SCN4A: variants seen among roughly 807,000 people sequenced by gnomAD.
SCN4A encodes sodium voltage-gated channel alpha subunit 4.
Under a neutral mutation model 162.0 loss-of-function variants are expected in SCN4A, and 83 were observed. The ratio of observed to expected loss-of-function variants is 0.51; its 90% confidence interval spans 0.43 to 0.61. The LOEUF (loss-of-function observed/expected upper bound fraction) is 0.61. Among genes scored for constraint, SCN4A ranks in the 20% least tolerant of loss-of-function variants. SCN4A has a pLI of 0.00. For synonymous variants in SCN4A, 944 were observed against 985.1 expected (o/e 0.96, Z 0.78); for missense variants, 2,196 against 2,462.5 (o/e 0.89, Z 2.29).
rs9303466 is a variant in SCN4A, at chr17:63,945,351, C to T, written c.3720+9G>A. On this transcript the variant is annotated intron_variant, in intron 19 of 23. Coordinates refer to ENST00000435607, the MANE Select transcript of SCN4A (RefSeq NM_000334.4). This position sits in a 1 kb window ranked among gnomAD's most constrained non-coding sequence, Gnocchi z 4.4. ...CAGGTTCCCGGCAGGGGTGGTGGGT[C>T]ACACTCACCACCTGCAGGAGGGAGA... The T allele has an allele frequency of 1.2e-6, 2 of 1,603,558 alleles. No homozygotes were observed. The highest frequency in any genetic ancestry group is 2.2e-5 in the South Asian group (2 of 90,560).
At chr17:63,965,543 C>T (rs1308210140) in intron 8 of SCN4A, among the ~76,000 whole-genome samples, 1 of 152,090 alleles carries the variant, frequency 6.6e-6, no homozygotes, top group Non-Finnish European at 1.5e-5. Flanking sequence ...GGCTGGAGTG[C>T]AATGGCGTGG....
rs1908591929 is a variant in SCN4A at position 63,942,970 on chromosome 17, C to T, written c.4144G>A (p.Val1382Met). Reference sequence around the variant, plus strand: ...ATGTTGATGTTGTACAGGATGTCCACCTTGAGCTGGCTCTGGTTGTCTGTC... The same window carrying T: ...ATGTTGATGTTGTACAGGATGTCCATCTTGAGCTGGCTCTGGTTGTCTGTC... ...VETDNQSQLK[V>M]DILYNINMIF... Residue 1382 changes from valine (V) to methionine (M), a missense_variant, in exon 23 of 24, where the codon GTG becomes ATG. Coordinates refer to ENST00000435607, the MANE Select transcript of SCN4A (RefSeq NM_000334.4). The T allele has an allele frequency of 6.2e-6, 10 of 1,613,994 alleles. No homozygotes were observed. The highest frequency in any genetic ancestry group is 8.5e-6 in the Non-Finnish European group (10 of 1,179,870).
intron 12 of SCN4A, among the ~76,000 whole-genome samples, chr17:63,958,444 G>A (rs1909140503): frequency 6.6e-6 from 1 of 152,234 alleles, no homozygotes; most frequent in Non-Finnish European, 1.5e-5. Context: ...GATGCAACAG[G>A]AATTGTAGAA....
chr17:63,964,679 T>TGGGAGTGGAGGGAGA lies in SCN4A; in HGVS notation c.1243-17_1243-3dup, dbSNP rs771943636. ...GGTCTTGCCAGCTGCTCGAAGGGTC[T>TGGGAGTGGAGGGAGA]GGGAGTGGAGGGAGAGGGAGTGGAG... On this transcript the variant is annotated splice_region_variant and splice_polypyrimidine_tract_variant and intron_variant, in intron 8 of 23. Coordinates refer to ENST00000435607, the MANE Select transcript of SCN4A (RefSeq NM_000334.4). The TGGGAGTGGAGGGAGA allele has an allele frequency of 1.9e-5, 30 of 1,602,186 alleles. No individual in the cohort carries two copies. The Admixed American group carries it at 4.8e-4, about 26-fold the overall frequency.
Position 63,942,017 on chromosome 17 carries a change from C to T in SCN4A, c.4289-24G>A, listed in dbSNP as rs201001812. Reference sequence around the variant, plus strand: ...GCCTGCGGGGAGAAGCTAGTGAGGACGCTGCCACTGGGGAGGGGGGCCGGC... The same window carrying T: ...GCCTGCGGGGAGAAGCTAGTGAGGATGCTGCCACTGGGGAGGGGGGCCGGC... On this transcript the variant is annotated intron_variant, in intron 23 of 23. Transcript: ENST00000435607. The T allele has an allele frequency of 6.7e-5, 103 of 1,535,038 alleles. 1 individual carries two copies. The highest frequency in any genetic ancestry group is 3.5e-4 in the Middle Eastern group (2 of 5,700).
chr17:63,961,168 G>GA, intron 11 of SCN4A, 25 bp downstream of exon 11: 1 of 834,846 alleles, frequency 1.2e-6, no homozygotes, highest in South Asian at 1.3e-5. Context: ...GCCCATGAAT[G>GA]ATCCCCTCCC....
chr17:63,939,390 A>ACAT lies in SCN4A; in HGVS notation c.*1380_*1381insATG, dbSNP rs1908448328. 1 of 152,464 alleles carries ACAT rather than the reference A, an allele frequency of 6.6e-6. No individual in the cohort carries two copies. The highest frequency in any genetic ancestry group is 1.5e-5 in the Non-Finnish European group (1 of 68,248). 9.4% of individuals were successfully genotyped at this position (152,464 alleles called of 1,614,324 possible). A position where few individuals can be genotyped will look rare whatever the true frequency, so the allele number is the denominator to read the frequency against. ...GGCACACATATATACACATATATAC[A>ACAT]AAGATACCCAGACACGTGCATAATG... On this transcript the variant is annotated 3_prime_UTR_variant, in exon 24 of 24. Transcript: ENST00000435607.
chr17:63,941,184 T>C lies in SCN4A; in HGVS notation c.5098A>G (p.Thr1700Ala). 6.2e-7 allele frequency: 1 copy of C among 1,613,768 alleles called. No homozygotes were observed. Residue 1700 changes from threonine (T) to alanine (A), a missense_variant, in exon 24 of 24, where the codon ACC becomes GCC. Thr to Ala is a moderately conservative substitution (Grantham distance 58). Coordinates refer to ENST00000435607, the MANE Select transcript of SCN4A (RefSeq NM_000334.4). The surrounding 1 kb of genome is among the most constrained non-coding windows in gnomAD (Gnocchi z 6.2). ...GCTGCCATGAACTTCTCCTCCATGG[T>C]CTGCTTGAGGGCGTCCATTTCCCCA... The part of the protein sequence containing the change: ...DSGEMDALKQ[T>A]MEEKFMAANP...
rs1909173026 is a variant in SCN4A at position 63,959,343 on chromosome 17, G to A, written c.1941C>T (p.Ser647=). The stretch of plus-strand genomic sequence containing the variant: ...CTACCAGGCTGAGGGTGACGATGAT[G>A]CTGTCGAAGATATTCCAACCCTGCT... ...YFQQGWNIFD[S]IIVTLSLVEL... is the part of the protein sequence containing the mutation. The change falls in exon 12 of 24, where the codon AGC becomes AGT. Residue 647 remains serine (S), a synonymous_variant. Coordinates refer to ENST00000435607, the MANE Select transcript of SCN4A (RefSeq NM_000334.4). 6.2e-7 allele frequency: 1 copy of A among 1,613,974 alleles called. No homozygotes were observed. The highest frequency in any genetic ancestry group is 8.5e-7 in the Non-Finnish European group (1 of 1,179,848).
intron 5 of SCN4A, among the ~76,000 whole-genome samples, chr17:63,970,177 G>A (rs376441486): frequency 6.6e-6 from 1 of 152,164 alleles, no homozygotes; most frequent in South Asian, 2.1e-4. Flanking sequence ...AGCTCTCAGA[G>A]CTTGGACTTT....
At chr17:63,947,440 C>T (rs1323577181) in intron 17 of SCN4A, among the ~76,000 whole-genome samples, 1 of 152,174 alleles carries the variant, frequency 6.6e-6, no homozygotes, top group Non-Finnish European at 1.5e-5. Context: ...CCTGTGAGCC[C>T]ATCTAAGAGG....
In SCN4A at chr17:63,941,701, G is replaced by T. The variant is rs752523459; in HGVS notation, c.4581C>A (p.Ile1527=). The change falls in exon 24 of 24, where the codon ATC becomes ATA. Residue 1527 remains isoleucine (I), a synonymous_variant. Coordinates refer to ENST00000435607, the MANE Select transcript of SCN4A (RefSeq NM_000334.4). The surrounding 1 kb of genome is among the most constrained non-coding windows in gnomAD (Gnocchi z 6.2). ...CCGACGTGGTGATCTCGAACAGGCA[G>T]ATGATGCTGTTGCCGAAGGTCTCGA... ...FNFETFGNSI[I]CLFEITTSAG... 60 of 1,614,142 alleles carry T rather than the reference G, an allele frequency of 3.7e-5. No homozygotes were observed. In the East Asian group the frequency reaches 1.3e-3, roughly 35 times the overall value.
In SCN4A at chr17:63,966,186, G is replaced by A. The variant is rs745394242; in HGVS notation, c.1158C>T (p.Tyr386=). 7 of 1,599,980 alleles carry A rather than the reference G, an allele frequency of 4.4e-6. No individual in the cohort carries two copies. Among genetic ancestry groups the A allele is most frequent in the South Asian group, 1.1e-5 (1 of 88,300 alleles). ...IKTGRNPNYG[Y]TSYDTFSWAF... is the part of the protein sequence containing the mutation. ...CCCAGCTGAAGGTGTCATAGCTGGTGTAGCCATAGTTGGGGTTCCGCCCGG... is the reference window on the plus strand; with the variant it reads ...CCCAGCTGAAGGTGTCATAGCTGGTATAGCCATAGTTGGGGTTCCGCCCGG... The change falls in exon 8 of 24, where the codon TAC becomes TAT. Residue 386 remains tyrosine (Y), a synonymous_variant. Coordinates refer to ENST00000435607, the MANE Select transcript of SCN4A (RefSeq NM_000334.4).
chr17:63,957,049 A>G (rs1306081690), intron 13 of SCN4A, 113 bp downstream of exon 13: 1 of 716,484 alleles, frequency 1.4e-6, no homozygotes, highest in Non-Finnish European at 2.3e-6. Flanking sequence ...TAAACCACAT[A>G]AAATTGCCAT....
chr17:63,956,810 T>C (rs1037904029), intron 13 of SCN4A, among the ~76,000 whole-genome samples: 4 of 152,244 alleles, frequency 2.6e-5, no homozygotes, highest in Non-Finnish European at 5.9e-5. Flanking sequence ...CATTATCATG[T>C]TGCTTTACTC....
At position 63,966,700 on chromosome 17, in the gene SCN4A, C is replaced by T. The variant is rs74380139; in HGVS notation, c.1037-156G>A. On this transcript the variant is annotated intron_variant, in intron 6 of 23. Transcript: ENST00000435607. ...TCTTCCCCGTCCTTTAAGGACAGCTCCAAGTTCCAAGGTCTCTGGGTAGGG... is the reference window on the plus strand; with the variant it reads ...TCTTCCCCGTCCTTTAAGGACAGCTTCAAGTTCCAAGGTCTCTGGGTAGGG... Among the ~76,000 whole-genome samples, 1,071 of 152,366 alleles carry T rather than the reference C, an allele frequency of 7.0e-3. 20 individuals carry two copies. Among genetic ancestry groups the T allele is most frequent in the African/African-American group, 0.025 (1,030 of 41,576 alleles).
At position 63,957,215 on chromosome 17, in the gene SCN4A, G is replaced by C; in HGVS notation, c.2323C>G (p.Gln775Glu). 6.3e-7 allele frequency: 1 copy of C among 1,599,838 alleles called. No homozygotes were observed. The highest frequency in any genetic ancestry group is 8.6e-7 in the Non-Finnish European group (1 of 1,168,684). ...TMWDCMEVAG[Q>E]AMCLTVFLMV... ...AGGAAGACGGTGAGGCACATGGCTT[G>C]GCCGGCCACCTCCATGCAGTCCCAC... The change falls in exon 13 of 24, where the codon CAA (glutamine) becomes GAA (glutamate). Residue 775 changes from glutamine (Q) to glutamate (E), a missense_variant. Transcript: ENST00000435607.
Position 63,944,722 on chromosome 17 carries a change from T to G in SCN4A, c.3863A>C (p.Asn1288Thr). Reference sequence around the variant, plus strand: ...GTCAATGATGACGCCAATGAAGAGGTTGAGGGTGAAGAAGGAGCCAAAGAT... The same window carrying G: ...GTCAATGATGACGCCAATGAAGAGGGTGAGGGTGAAGAAGGAGCCAAAGAT... Reference protein sequence around the residue: ...FIIFGSFFTLNLFIGVIIDNF... With the variant: ...FIIFGSFFTLTLFIGVIIDNF... Residue 1288 changes from asparagine to threonine, a missense_variant, in exon 21 of 24, where the codon AAC becomes ACC. Coordinates refer to ENST00000435607, the MANE Select transcript of SCN4A (RefSeq NM_000334.4). This position sits in a 1 kb window ranked among gnomAD's most constrained non-coding sequence, Gnocchi z 4.3. 6.2e-7 allele frequency: 1 copy of G among 1,612,858 alleles called. No individual in the cohort carries two copies. The highest frequency in any genetic ancestry group is 8.5e-7 in the Non-Finnish European group (1 of 1,179,494).
chr17:63,964,386 C>A lies in SCN4A; in HGVS notation c.1452+82G>T, dbSNP rs541435898. Reference sequence around the variant, plus strand: ...CCCTGTACCCTCCCTCACCCTCGGCCCCCCAGGGAGAAGCCAGTGGCAGCC... The same window carrying A: ...CCCTGTACCCTCCCTCACCCTCGGCACCCCAGGGAGAAGCCAGTGGCAGCC... On this transcript the variant is annotated intron_variant, in intron 9 of 23. Coordinates refer to ENST00000435607, the MANE Select transcript of SCN4A (RefSeq NM_000334.4). The A allele has an allele frequency of 7.5e-5, 96 of 1,280,780 alleles. 1 individual carries two copies. The African/African-American group carries it at 1.2e-3, about 16-fold the overall frequency. 79.3% of individuals were successfully genotyped at this position (1,280,780 alleles called of 1,614,324 possible). A position where few individuals can be genotyped will look rare whatever the true frequency, so the allele number is the denominator to read the frequency against.
Sources: allele counts gnomAD v4.1 joint callset (sites outside exome capture counted in the v4.1 genomes callset), GRCh38; gene constraint gnomAD v4.1.1; non-coding constraint Gnocchi (gnomAD v3.1); transcripts MANE v1.5; gene names NCBI Gene and HGNC (gene_info 2026-07-23, HGNC 2026-07-21).